GRIN2B: variants seen among roughly 807,000 people sequenced by gnomAD.
The protein encoded by GRIN2B is glutamate receptor ionotropic, NMDA 2B.
In GRIN2B, 5 loss-of-function variants were observed where a neutral mutation model predicts 114.5. The ratio of observed to expected loss-of-function variants is 0.04; its 90% confidence interval spans 0.02 to 0.09. The LOEUF is 0.09. GRIN2B is among the 10% of genes least tolerant of loss of function. The probability of loss-of-function intolerance (pLI) is 1.00; values close to 1 mark genes in which losing one functional copy is unlikely to be tolerated. For missense variants in GRIN2B, 1,108 were observed against 1,943.5 expected (o/e 0.57, Z 8.08); for synonymous variants, 787 against 745.1 (o/e 1.06, Z -0.92).
At chr12:13,776,634 CAG>C (rs1337439271) in intron 3 of GRIN2B, among the ~76,000 whole-genome samples, 1 of 151,982 alleles carries the variant, frequency 6.6e-6, no homozygotes, top group East Asian at 1.9e-4. Context: ...AGGGAAAAAA[CAG>C]AAATAAACAA....
In GRIN2B at chr12:13,560,320, C is replaced by A. The variant is rs1428930828; in HGVS notation, c.*2463G>T. ...CAAAACACTTTTTCCCTCTCATTCC[C>A]ATCACCACCCCACTCCCTCCAGCCC... On this transcript the variant is annotated 3_prime_UTR_variant, in exon 14 of 14. Transcript: ENST00000609686. 6.6e-6 allele frequency: 1 copy of A among 152,202 alleles called. No individual in the cohort carries two copies. Among genetic ancestry groups the A allele is most frequent in the Non-Finnish European group, 1.5e-5 (1 of 68,052 alleles). 9.4% of individuals were successfully genotyped at this position (152,202 alleles called of 1,614,324 possible).
chr12:13,932,493 T>C (rs1165255565), intron 2 of GRIN2B, among the ~76,000 whole-genome samples: 2 of 152,340 alleles, frequency 1.3e-5, no homozygotes, highest in Middle Eastern at 3.4e-3. Flanking sequence ...TACCACTTAA[T>C]TGGCAGTAAT....
chr12:13,858,878 GT>G (rs1865707184), intron 3 of GRIN2B, among the ~76,000 whole-genome samples: 1 of 152,180 alleles, frequency 6.6e-6, no homozygotes, highest in Non-Finnish European at 1.5e-5. Flanking sequence ...CACCAAAGAG[GT>G]GGAACCTACT....
intron 2 of GRIN2B, among the ~76,000 whole-genome samples, chr12:13,917,647 A>AC (rs1179073386): frequency 7.1e-6 from 1 of 141,504 alleles, no homozygotes; most frequent in African/African-American, 2.5e-5. Context: ...GCTTAAGGAG[A>AC]CCAAGTTTTA....
chr12:13,680,436 T>TTGTGTGTGTG (rs56755720), intron 4 of GRIN2B, among the ~76,000 whole-genome samples: 1,862 of 123,452 alleles, frequency 0.015, 21 homozygotes, highest in East Asian at 0.026. Context: ...CCCATCAAGG[T>TTGTGTGTGTG]TGTGTGTGTG....
intron 10 of GRIN2B, among the ~76,000 whole-genome samples, chr12:13,577,065 C>T (rs1948786071): frequency 6.6e-6 from 1 of 150,802 alleles, no homozygotes; most frequent in Middle Eastern, 3.5e-3. Flanking sequence ...CAAGCTGAGA[C>T]TTGACCCCTG....
At chr12:13,870,387 C>T (rs1360658927) in intron 2 of GRIN2B, among the ~76,000 whole-genome samples, 1 of 152,074 alleles carries the variant, frequency 6.6e-6, no homozygotes, top group African/African-American at 2.4e-5. Flanking sequence ...CTCTTTGCCT[C>T]CTTGAAGCTT....
At chr12:13,885,423 C>T (rs1442555379) in intron 2 of GRIN2B, among the ~76,000 whole-genome samples, 1 of 152,178 alleles carries the variant, frequency 6.6e-6, no homozygotes, top group Admixed American at 6.5e-5. Flanking sequence ...AGATCTTCCT[C>T]ACTAGCCGGG....
At chr12:13,722,158 T>C (rs540247299) in intron 4 of GRIN2B, among the ~76,000 whole-genome samples, 19 of 151,944 alleles carry the variant, frequency 1.3e-4, no homozygotes, top group Admixed American at 4.6e-4. Flanking sequence ...GGTGAGGAAG[T>C]AGAGAAAGCA....
intron 2 of GRIN2B, among the ~76,000 whole-genome samples, chr12:13,905,114 T>C (rs1039320018): frequency 6.6e-6 from 1 of 152,202 alleles, no homozygotes; most frequent in Non-Finnish European, 1.5e-5. Context: ...ATAGTTCTGG[T>C]AGAATAAACT....
chr12:13,557,211 C>G lies in GRIN2B; in HGVS notation c.*5572G>C, dbSNP rs1257610334. On this transcript the variant is annotated 3_prime_UTR_variant, in exon 14 of 14. Coordinates refer to ENST00000609686, the MANE Select transcript of GRIN2B (RefSeq NM_000834.5). Reference sequence around the variant, plus strand: ...CCCACCCCCCAAACTAGAATAGAATCCTAGATTCAGATCAATATTAGACAT... The same window carrying G: ...CCCACCCCCCAAACTAGAATAGAATGCTAGATTCAGATCAATATTAGACAT... 1 of 152,038 alleles carries G rather than the reference C, an allele frequency of 6.6e-6. No homozygotes were observed. Among genetic ancestry groups the G allele is most frequent in the Non-Finnish European group, 1.5e-5 (1 of 68,018 alleles). 9.4% of individuals were successfully genotyped at this position (152,038 alleles called of 1,614,324 possible).
At chr12:13,951,997 A>G (rs1306082378) in intron 2 of GRIN2B, among the ~76,000 whole-genome samples, 1 of 152,208 alleles carries the variant, frequency 6.6e-6, no homozygotes, top group Non-Finnish European at 1.5e-5. Flanking sequence ...AGCACAATTG[A>G]TATATCAAAA....
rs925112146 is a variant in GRIN2B at position 13,791,756 on chromosome 12, A to G, written c.412-37841T>C. On this transcript the variant is annotated intron_variant, in intron 3 of 13. Transcript: ENST00000609686. Reference sequence around the variant, plus strand: ...GTGATACATTCATATAATGAAATCAAGGTAATTAGTGTATCCATCACATTT... The same window carrying G: ...GTGATACATTCATATAATGAAATCAGGGTAATTAGTGTATCCATCACATTT... Among the ~76,000 whole-genome samples, 5 of 152,340 alleles carry G rather than the reference A, an allele frequency of 3.3e-5. No individual in the cohort carries two copies. In the East Asian group the frequency reaches 9.6e-4, roughly 29 times the overall value.
intron 3 of GRIN2B, among the ~76,000 whole-genome samples, chr12:13,783,431 G>GGTTTTGTTTTGTTTTGTTTT (rs58630929): frequency 0.34 from 51,161 of 149,500 alleles, 9,046 homozygotes; most frequent in East Asian, 0.48. Context: ...AACGGAAATA[G>GGTTTTGTTTTGTTTTGTTTT]GTTTTGTTTT....
intron 2 of GRIN2B, among the ~76,000 whole-genome samples, chr12:13,953,108 C>T (rs1455590491): frequency 6.6e-6 from 1 of 152,032 alleles, no homozygotes; most frequent in Non-Finnish European, 1.5e-5. Flanking sequence ...ACATGGCTGA[C>T]ACCTGGGCTC....
At position 13,608,850 on chromosome 12, in the gene GRIN2B, C is replaced by T. The variant is rs1336155584; in HGVS notation, c.1781-18G>A. On this transcript the variant is annotated intron_variant, in intron 9 of 13. Transcript: ENST00000609686. ...ACCAGGCTCTGGCATGACAAAAAGA[C>T]AAGGACGAAAGTTAAGCCATTGTGG... 2 of 1,587,180 alleles carry T rather than the reference C, an allele frequency of 1.3e-6. No individual in the cohort carries two copies. The highest frequency in any genetic ancestry group is 1.7e-5 in the Admixed American group (1 of 59,966).
At position 13,558,972 on chromosome 12, in the gene GRIN2B, G is replaced by T. The variant is rs751594481; in HGVS notation, c.*3811C>A. On this transcript the variant is annotated 3_prime_UTR_variant, in exon 14 of 14. Transcript: ENST00000609686. ...TCTGCAATGGAAGGGAATGATAGAG[G>T]GTACAAAGCGAGAAAGCATGGATTC... The T allele has an allele frequency of 1.2e-4, 19 of 152,126 alleles. No homozygotes were observed. The highest frequency in any genetic ancestry group is 2.4e-4 in the Non-Finnish European group (16 of 68,042). 9.4% of individuals were successfully genotyped at this position (152,126 alleles called of 1,614,324 possible).
In GRIN2B at chr12:13,557,266, G is replaced by A. The variant is rs772631925; in HGVS notation, c.*5517C>T. The A allele has an allele frequency of 6.6e-6, 1 of 152,086 alleles. No individual in the cohort carries two copies. Among genetic ancestry groups the A allele is most frequent in the Non-Finnish European group, 1.5e-5 (1 of 68,020 alleles). The allele number at this position is 152,086 out of a possible 1,614,324, so 9.4% of individuals were successfully genotyped here. A position where few individuals can be genotyped will look rare whatever the true frequency, so the allele number is the denominator to read the frequency against. The stretch of plus-strand genomic sequence containing the variant: ...AGACTGACTAATCTGCCATTTTAGT[G>A]TCATCCCAAACATCTGCTAGGCCTA... On this transcript the variant is annotated 3_prime_UTR_variant, in exon 14 of 14. Transcript: ENST00000609686.
rs1052587182 is a variant in GRIN2B, at chr12:13,540,368, T to C, written c.*22415A>G. The C allele has an allele frequency of 6.6e-6, 1 of 152,078 alleles. No homozygotes were observed. Among genetic ancestry groups the C allele is most frequent in the African/African-American group, 2.4e-5 (1 of 41,418 alleles). 9.4% of individuals were successfully genotyped at this position (152,078 alleles called of 1,614,324 possible). ...TTTATACATCACAAAGTTTTTCTTGTTTTTTTATGTTGTCTTTTTTTTAAT... is the reference window on the plus strand; with the variant it reads ...TTTATACATCACAAAGTTTTTCTTGCTTTTTTATGTTGTCTTTTTTTTAAT... On this transcript the variant is annotated 3_prime_UTR_variant, in exon 14 of 14. Transcript: ENST00000609686.
Sources: allele counts gnomAD v4.1 joint callset (sites outside exome capture counted in the v4.1 genomes callset), GRCh38; gene constraint gnomAD v4.1.1; transcripts MANE v1.5; gene names NCBI Gene and HGNC (gene_info 2026-07-23, HGNC 2026-07-21).